NNT: variants seen among roughly 807,000 people sequenced by gnomAD.
NNT encodes the protein NAD(P) transhydrogenase, mitochondrial.
NNT carries 50 observed loss-of-function variants against 104.8 expected under a neutral mutation model. The ratio of observed to expected loss-of-function variants is 0.48; its 90% CI spans 0.38 to 0.60. NNT has a LOEUF of 0.60. NNT is among the 20% of genes least tolerant of loss of function. The pLI, the probability that NNT is intolerant of heterozygous loss-of-function variation, is 0.00. For missense variants in NNT, 1,131 were observed against 1,330.7 expected, an observed-to-expected ratio of 0.85 and a Z score of 2.33; for synonymous variants, 461 against 490.4, an observed-to-expected ratio of 0.94 and a Z score of 0.79.
At chr5:43,666,054 T>C (rs1041797192) in intron 17 of NNT, among the ~76,000 whole-genome samples, 5 of 150,984 alleles carry the variant, frequency 3.3e-5, no homozygotes, top group African/African-American at 1.2e-4. Flanking sequence ...GCAGAGACGC[T>C]CCTCACTTCC....
intron 19 of NNT, among the ~76,000 whole-genome samples, chr5:43,685,254 A>G (rs1277324434): frequency 2.0e-5 from 3 of 152,092 alleles, no homozygotes; most frequent in African/African-American, 4.8e-5. Flanking sequence ...TAATTTGTCA[A>G]CCTCCTAGAA....
chr5:43,660,905 C>G (rs1400834499), intron 17 of NNT, among the ~76,000 whole-genome samples: 4 of 152,102 alleles, frequency 2.6e-5, no homozygotes, highest in East Asian at 3.8e-4. Context: ...CAGAGCCAAA[C>G]CATATCAGAT....
Position 43,651,862 on chromosome 5 carries a change from A to G in NNT, c.1841A>G (p.Tyr614Cys), listed in dbSNP as rs747414329. The G allele has an allele frequency of 3.1e-6, 5 of 1,614,076 alleles. No individual in the cohort carries two copies. In the African/African-American group the frequency reaches 4.0e-5, roughly 13 times the overall value. Residue 614 changes from tyrosine to cysteine, a missense_variant, in exon 13 of 22, where the codon TAC (tyrosine) becomes TGC (cysteine). By Grantham distance (194) the Tyr-to-Cys change is radical (BLOSUM62 -2). Transcript: ENST00000344920. The part of the protein sequence containing the change: ...TFVGGYLAAL[Y>C]SGYNIEQIMY... ...GTTGGTGGATATTTAGCTGCCCTCT[A>G]CAGTGGTTATAACATTGAACAGGTA... is the stretch of plus-strand genomic sequence containing the variant.
chr5:43,668,308 G>T (rs1363101005), intron 17 of NNT, among the ~76,000 whole-genome samples: 1 of 150,794 alleles, frequency 6.6e-6, no homozygotes, highest in Non-Finnish European at 1.5e-5. Context: ...GTCAATTTTG[G>T]CTTTTGTTGC....
At chr5:43,616,965 A>G (rs1481215945) in intron 4 of NNT, among the ~76,000 whole-genome samples, 1 of 152,230 alleles carries the variant, frequency 6.6e-6, no homozygotes, top group Non-Finnish European at 1.5e-5. Context: ...CAGTGCATAA[A>G]AAGACACTAA....
chr5:43,631,916 C>T (rs1168215087), intron 7 of NNT, among the ~76,000 whole-genome samples: 1 of 150,034 alleles, frequency 6.7e-6, no homozygotes, highest in East Asian at 2.0e-4. Context: ...AGTACCTCAG[C>T]CCAGAGCTCA....
intron 3 of NNT, among the ~76,000 whole-genome samples, chr5:43,614,599 G>A (rs1298003981): frequency 6.6e-6 from 1 of 152,194 alleles, no homozygotes; most frequent in African/African-American, 2.4e-5. Context: ...AATGGGAATA[G>A]CAGACAAAGG....
intron 6 of NNT, among the ~76,000 whole-genome samples, chr5:43,624,346 C>A (rs1415883025): frequency 6.6e-6 from 1 of 152,140 alleles, no homozygotes; most frequent in Non-Finnish European, 1.5e-5. Flanking sequence ...ACAGTGGGAC[C>A]AGAATTCTTT....
Position 43,653,145 on chromosome 5 carries a change from G to A in NNT, c.1991G>A (p.Gly664Glu). 6.2e-7 allele frequency: 1 copy of A among 1,614,126 alleles called. No individual in the cohort carries two copies. The highest frequency in any genetic ancestry group is 8.5e-7 in the Non-Finnish European group (1 of 1,180,032). ...GVAGGLAATL[G>E]VLKPGPELLA... Reference sequence around the variant, plus strand: ...GCTGGAGGACTGGCAGCCACCCTCGGAGTCCTAAAACCGGGCCCAGAATTA... The same window carrying A: ...GCTGGAGGACTGGCAGCCACCCTCGAAGTCCTAAAACCGGGCCCAGAATTA... Residue 664 changes from glycine (G) to glutamate (E), a missense_variant, in exon 14 of 22, where the codon GGA becomes GAA. Gly to Glu is a moderately conservative substitution (Grantham distance 98). Transcript: ENST00000344920.
At chr5:43,688,179 T>C (rs9292889) in intron 19 of NNT, among the ~76,000 whole-genome samples, 2,128 of 152,234 alleles carry the variant, frequency 0.014, 52 homozygotes, top group African/African-American at 0.044. Flanking sequence ...GTAGATTTGA[T>C]GAAGGTGAGG....
Position 43,611,210 on chromosome 5 carries a change from C to G in NNT, c.152-1698C>G, listed in dbSNP as rs540513244. Among the ~76,000 whole-genome samples the G allele has an allele frequency of 4.0e-5, 6 of 151,316 alleles. No individual in the cohort carries two copies. In the East Asian group the frequency reaches 1.2e-3, roughly 29 times the overall value. ...TTTTGTCTCTTTTTATCTATAAGTT[C>G]CCCTCTCTTTATTCCTTTTAATATA... is the stretch of plus-strand genomic sequence containing the variant. On this transcript the variant is annotated intron_variant, in intron 2 of 21. Coordinates refer to ENST00000344920, the MANE Select transcript of NNT (RefSeq NM_182977.3).
chr5:43,603,041 G>T (rs1749004649), upstream of NNT: 1 of 152,360 alleles, frequency 6.6e-6, no homozygotes, highest in Non-Finnish European at 1.5e-5. Context: ...CATTTCGTGA[G>T]GTCGCCTTTT....
At chr5:43,636,975 T>G (rs974047446) in intron 7 of NNT, among the ~76,000 whole-genome samples, 9 of 152,202 alleles carry the variant, frequency 5.9e-5, no homozygotes, top group African/African-American at 2.2e-4. Context: ...ATTTCAGAAG[T>G]ATTACATTTA....
intron 17 of NNT, among the ~76,000 whole-genome samples, chr5:43,672,932 C>T (rs552990731): frequency 6.6e-6 from 1 of 152,208 alleles, no homozygotes; most frequent in African/African-American, 2.4e-5. Flanking sequence ...TGGGCTCCAC[C>T]CAGTTCGAGC....
chr5:43,627,024 G>A (rs1381096006), intron 6 of NNT, among the ~76,000 whole-genome samples: 1 of 152,144 alleles, frequency 6.6e-6, no homozygotes, highest in Non-Finnish European at 1.5e-5. Context: ...ATTAGAAAAT[G>A]TATTATTTCT....
intron 17 of NNT, among the ~76,000 whole-genome samples, chr5:43,669,969 G>T (rs995390269): frequency 6.6e-6 from 1 of 151,978 alleles, no homozygotes; most frequent in Non-Finnish European, 1.5e-5. Flanking sequence ...GCCTGTTATT[G>T]GTCTATTCAG....
intron 19 of NNT, among the ~76,000 whole-genome samples, chr5:43,693,601 C>A (rs1421523723): frequency 6.6e-6 from 1 of 152,102 alleles, no homozygotes; most frequent in Non-Finnish European, 1.5e-5. Context: ...TATTTTGCCT[C>A]ATTCATTTGT....
At chr5:43,675,441 C>A in intron 17 of NNT, 70 bp from the exon 18 acceptor site, 1 of 1,302,120 alleles carries the variant, frequency 7.7e-7, no homozygotes, top group South Asian at 1.7e-5. Context: ...ATATCATATA[C>A]ACAACATTTG....
intron 19 of NNT, among the ~76,000 whole-genome samples, chr5:43,681,480 C>T (rs755449422): frequency 6.6e-6 from 1 of 151,942 alleles, no homozygotes; most frequent in Non-Finnish European, 1.5e-5. Flanking sequence ...CTCACTGCAA[C>T]CTCTGCCTCC....
Sources: gnomAD v4.1 joint callset for allele counts (sites outside exome capture counted in the v4.1 genomes callset) on GRCh38, gnomAD v4.1.1 for gene constraint, MANE v1.5 for transcripts, NCBI Gene and HGNC (gene_info 2026-07-23, HGNC 2026-07-21) for gene names.